The following PTPRT variants were observed in gnomAD, a reference collection of about 807,000 sequenced individuals.
The protein encoded by PTPRT is protein tyrosine phosphatase receptor type T.
In PTPRT, 56 loss-of-function variants were observed where a neutral mutation model predicts 176.8. That is an observed-to-expected ratio of 0.32 (90% CI 0.26 to 0.40). The LOEUF (loss-of-function observed/expected upper bound fraction) is 0.40. Ranked by LOEUF, PTPRT falls within the 10% of genes least tolerant of loss-of-function variation. PTPRT has a pLI of 1.00. For synonymous variants in PTPRT, 783 were observed against 739.0 expected, an observed-to-expected ratio of 1.06 and a Z score of -0.96; for missense variants, 1,540 against 1,908.2, an observed-to-expected ratio of 0.81 and a Z score of 3.60.
Position 43,124,651 on chromosome 20 carries a change from C to T in PTPRT, c.88+64995G>A, listed in dbSNP as rs568801234. On this transcript the variant is annotated intron_variant, in intron 1 of 30. Coordinates refer to ENST00000373187, the MANE Select transcript of PTPRT (RefSeq NM_007050.6). ...GGTAGGTAACAGAGACAATCTTTCACGCATTCAACGATCCAACAGATAGCT... is the reference window on the plus strand; with the variant it reads ...GGTAGGTAACAGAGACAATCTTTCATGCATTCAACGATCCAACAGATAGCT... 1.1e-4 allele frequency among the ~76,000 whole-genome samples: 16 copies of T among 152,334 alleles called. No individual in the cohort carries two copies. The South Asian group carries it at 3.1e-3, about 30-fold the overall frequency.
chr20:42,625,861 CT>C (rs1210542555), intron 7 of PTPRT, among the ~76,000 whole-genome samples: 1 of 151,732 alleles, frequency 6.6e-6, no homozygotes, highest in Non-Finnish European at 1.5e-5. Flanking sequence ...ACCTTGAGTG[CT>C]TGTTCACAAA....
At chr20:43,010,079 G>A (rs570650559) in intron 1 of PTPRT, among the ~76,000 whole-genome samples, 6 of 152,124 alleles carry the variant, frequency 3.9e-5, no homozygotes, top group African/African-American at 1.4e-4. Context: ...CCCTCACCAA[G>A]GCCTGCTGTG....
chr20:42,419,767 GA>G (rs971354333), intron 9 of PTPRT, among the ~76,000 whole-genome samples: 1 of 152,094 alleles, frequency 6.6e-6, no homozygotes, highest in Admixed American at 6.6e-5. Context: ...GACCTTATTT[GA>G]AAATAAGGTT....
At chr20:42,304,798 T>C (rs1248113440) in intron 12 of PTPRT, among the ~76,000 whole-genome samples, 1 of 152,228 alleles carries the variant, frequency 6.6e-6, no homozygotes, top group African/African-American at 2.4e-5. Context: ...AATGTTCTGA[T>C]GACATTGACC....
chr20:42,759,048 A>G (rs2076878493), intron 5 of PTPRT, among the ~76,000 whole-genome samples: 1 of 152,110 alleles, frequency 6.6e-6, no homozygotes, highest in Non-Finnish European at 1.5e-5. Context: ...TCCGGCAAAC[A>G]CCAGGAATGT....
chr20:42,486,681 T>A (rs1291884842), intron 7 of PTPRT, among the ~76,000 whole-genome samples: 1 of 152,094 alleles, frequency 6.6e-6, no homozygotes, highest in East Asian at 1.9e-4. Flanking sequence ...GCTTGTATAA[T>A]CTCCTGGTGT....
intron 7 of PTPRT, among the ~76,000 whole-genome samples, chr20:42,500,732 T>A (rs563254660): frequency 6.6e-6 from 1 of 152,286 alleles, no homozygotes; most frequent in South Asian, 2.1e-4. Flanking sequence ...AAGATGTCCC[T>A]CATCAGAATA....
chr20:42,770,013 T>A (rs951061573), intron 5 of PTPRT, among the ~76,000 whole-genome samples: 1 of 152,206 alleles, frequency 6.6e-6, no homozygotes, highest in African/African-American at 2.4e-5. Flanking sequence ...TTGGACGCCA[T>A]GCAAATATTC....
At chr20:42,224,346 T>C (rs1212842097) in intron 15 of PTPRT, among the ~76,000 whole-genome samples, 1 of 152,224 alleles carries the variant, frequency 6.6e-6, no homozygotes, top group African/African-American at 2.4e-5. Flanking sequence ...TGCCCTTTAT[T>C]AAATGACCTC....
intron 9 of PTPRT, among the ~76,000 whole-genome samples, chr20:42,440,879 A>G (rs1181604383): frequency 6.6e-6 from 1 of 152,066 alleles, no homozygotes; most frequent in Non-Finnish European, 1.5e-5. Flanking sequence ...ATTCCCTCTT[A>G]CTCAGGAGAG....
chr20:43,174,870 T>C (rs2015089178), intron 1 of PTPRT, among the ~76,000 whole-genome samples: 2 of 152,198 alleles, frequency 1.3e-5, no homozygotes, highest in African/African-American at 4.8e-5. Context: ...TATTTTAATA[T>C]ATTTAATCTT....
chr20:42,737,169 G>A (rs2076553494), intron 6 of PTPRT, among the ~76,000 whole-genome samples: 1 of 152,212 alleles, frequency 6.6e-6, no homozygotes, highest in East Asian at 1.9e-4. Context: ...AGTCCTACTG[G>A]AAGAAGGTGG....
Position 42,967,226 on chromosome 20 carries a change from C to G in PTPRT, c.89-81294G>C, listed in dbSNP as rs563389607. The stretch of plus-strand genomic sequence containing the variant: ...CCAGAAGATAAGTCCATCTCCTAAT[C>G]TCTTGAACGTGTGAATCTGACCTTA... On this transcript the variant is annotated intron_variant, in intron 1 of 30. Coordinates refer to ENST00000373187, the MANE Select transcript of PTPRT (RefSeq NM_007050.6). Among the ~76,000 whole-genome samples, 29 of 152,276 alleles carry G rather than the reference C, an allele frequency of 1.9e-4. No individual in the cohort carries two copies. In the South Asian group the frequency reaches 5.4e-3, roughly 28 times the overall value.
intron 6 of PTPRT, among the ~76,000 whole-genome samples, chr20:42,731,726 G>A (rs2076463617): frequency 6.6e-6 from 1 of 152,124 alleles, no homozygotes; most frequent in Non-Finnish European, 1.5e-5. Flanking sequence ...GGCCTCTAAG[G>A]TCTTAAGTGA....
chr20:42,316,145 A>G, intron 11 of PTPRT, 149 bp from the exon 12 acceptor site: 1 of 895,450 alleles, frequency 1.1e-6, no homozygotes, highest in Non-Finnish European at 1.7e-6. Flanking sequence ...AGATTTTCAA[A>G]CCTACCACGT....
chr20:42,276,065 C>T (rs1410380773), intron 13 of PTPRT, among the ~76,000 whole-genome samples: 1 of 152,096 alleles, frequency 6.6e-6, no homozygotes, highest in East Asian at 1.9e-4. Context: ...CATTATGGCC[C>T]CTACCCTGGT....
chr20:42,743,531 C>T lies in PTPRT; in HGVS notation c.859+12931G>A, dbSNP rs556697760. Among the ~76,000 whole-genome samples the T allele has an allele frequency of 5.9e-5, 9 of 152,206 alleles. No individual in the cohort carries two copies. In the East Asian group the frequency reaches 9.6e-4, roughly 16 times the overall value. ...AGAAAGGAATTCCATTGTTTTAAGGCGGGAATAAGCGTGAAGCCTGGCCTT... is the reference window on the plus strand; with the variant it reads ...AGAAAGGAATTCCATTGTTTTAAGGTGGGAATAAGCGTGAAGCCTGGCCTT... On this transcript the variant is annotated intron_variant, in intron 6 of 30. Transcript: ENST00000373187.
At chr20:42,447,464 T>C (rs534345302) in intron 9 of PTPRT, among the ~76,000 whole-genome samples, 2 of 152,212 alleles carry the variant, frequency 1.3e-5, no homozygotes, top group South Asian at 2.1e-4. Flanking sequence ...GATCTAGTAT[T>C]GTAATCTTAT....
At chr20:42,914,901 A>G (rs1978636085) in intron 1 of PTPRT, among the ~76,000 whole-genome samples, 1 of 152,122 alleles carries the variant, frequency 6.6e-6, no homozygotes, top group Admixed American at 6.5e-5. Flanking sequence ...ATACATACCA[A>G]ACATTGCACC....
Sources: allele counts gnomAD v4.1 joint callset (sites outside exome capture counted in the v4.1 genomes callset), GRCh38; gene constraint gnomAD v4.1.1; transcripts MANE v1.5; gene names NCBI Gene and HGNC (gene_info 2026-07-23, HGNC 2026-07-21).